The following WDFY4 variants were observed in gnomAD, a reference collection of about 807,000 sequenced individuals.
The protein encoded by WDFY4 is WDFY family member 4, also known as WD repeat- and FYVE domain-containing protein 4.
WDFY4 carries 169 observed loss-of-function variants against 351.9 expected under a neutral mutation model. That is an observed-to-expected ratio of 0.48 (90% confidence interval 0.42 to 0.55). The LOEUF is 0.55. WDFY4 is among the 20% of genes least tolerant of loss of function. The pLI, the probability that WDFY4 is intolerant of heterozygous loss-of-function variation, is 0.00. For synonymous variants in WDFY4, 1,622 were observed against 1,574.6 expected (o/e 1.03, Z -0.71); for missense variants, 3,803 against 3,935.6 (o/e 0.97, Z 0.90).
At chr10:48,694,594 G>T (rs758502342) in intron 1 of WDFY4, among the ~76,000 whole-genome samples, 2 of 152,084 alleles carry the variant, frequency 1.3e-5, no homozygotes, top group Admixed American at 6.5e-5. Flanking sequence ...TCTCTGCTGA[G>T]AGCCCCACAG....
In WDFY4 at chr10:48,912,684, C is replaced by T. The variant is rs76813367; in HGVS notation, c.7586+10821C>T. Among the ~76,000 whole-genome samples, 1,294 of 152,346 alleles carry T rather than the reference C, an allele frequency of 8.5e-3. 20 individuals are homozygous for T. Among genetic ancestry groups the T allele is most frequent in the African/African-American group, 0.029 (1,216 of 41,572 alleles). ...CAATCCATACTTGCCACCATTATTT[C>T]GTTTCTCCTATGAGGATCTGGAAAA... On this transcript the variant is annotated intron_variant, in intron 47 of 61. Coordinates refer to ENST00000325239, the MANE Select transcript of WDFY4 (RefSeq NM_001394531.1).
At chr10:48,761,733 T>C (rs2065512617) in intron 13 of WDFY4, among the ~76,000 whole-genome samples, 1 of 152,174 alleles carries the variant, frequency 6.6e-6, no homozygotes, top group Non-Finnish European at 1.5e-5. Context: ...AAGAAAGAGC[T>C]GGGCAGAGTT....
At chr10:48,950,663 A>G (rs1375711605) in intron 51 of WDFY4, among the ~76,000 whole-genome samples, 1 of 152,240 alleles carries the variant, frequency 6.6e-6, no homozygotes, top group Admixed American at 6.5e-5. Context: ...GGTGGGATCT[A>G]CAGAGGTTGT....
intron 13 of WDFY4, among the ~76,000 whole-genome samples, chr10:48,760,993 T>C (rs1053384744): frequency 3.9e-5 from 6 of 152,028 alleles, no homozygotes; most frequent in African/African-American, 1.5e-4. Context: ...ACGAGTGATA[T>C]TACAGGGAAA....
chr10:48,724,300 A>G (rs1275079658), intron 5 of WDFY4, among the ~76,000 whole-genome samples: 2 of 152,084 alleles, frequency 1.3e-5, no homozygotes, highest in African/African-American at 4.8e-5. Flanking sequence ...TGTTCAGTGA[A>G]TTCCCAAATG....
chr10:48,865,906 T>A (rs1470035963), intron 39 of WDFY4, among the ~76,000 whole-genome samples: 4 of 152,152 alleles, frequency 2.6e-5, no homozygotes, highest in African/African-American at 4.8e-5. Context: ...TTTGAAAAAA[T>A]TCAGTAAGGT....
intron 16 of WDFY4, 147 bp downstream of exon 16, chr10:48,777,131 C>G (rs1314910224): frequency 1.9e-6 from 2 of 1,056,046 alleles, no homozygotes; most frequent in Non-Finnish European, 1.4e-6. Context: ...CACCCGCCTA[C>G]TCAGCGGCCT....
In WDFY4 at chr10:48,760,430, A is replaced by G. The variant is rs1208319510; in HGVS notation, c.2543A>G (p.Asp848Gly). ...VRLLPRLYHE[D>G]HPQLSEEIQC... ...CTGCTGCCTCGGTTGTACCATGAAG[A>G]TCACCCACAGGTACCTGGTGTTGAA... The change falls in exon 13 of 62, where the codon GAT becomes GGT. Residue 848 changes from aspartate to glycine, a missense_variant. Asp to Gly is a moderately conservative substitution (Grantham distance 94). This residue lies in a region of WDFY4 where 3,054 missense variants were observed against 3,148.6 expected (regional missense o/e 0.97). Coordinates refer to ENST00000325239, the MANE Select transcript of WDFY4 (RefSeq NM_001394531.1). 1.3e-6 allele frequency: 2 copies of G among 1,551,494 alleles called. No individual in the cohort carries two copies. The highest frequency in any genetic ancestry group is 1.7e-6 in the Non-Finnish European group (2 of 1,146,958).
chr10:48,970,684 A>G (rs1842300059), intron 57 of WDFY4, among the ~76,000 whole-genome samples: 1 of 152,250 alleles, frequency 6.6e-6, no homozygotes, highest in Non-Finnish European at 1.5e-5. Flanking sequence ...CTTTATGCCA[A>G]GGATTTTTAC....
chr10:48,864,374 A>G (rs1489524471), intron 39 of WDFY4, among the ~76,000 whole-genome samples: 1 of 152,170 alleles, frequency 6.6e-6, no homozygotes, highest in East Asian at 1.9e-4. Flanking sequence ...CACCTTTGTA[A>G]AGAATTAATT....
intron 47 of WDFY4, chr10:48,913,242 G>T (rs771854184): frequency 4.1e-6 from 3 of 739,782 alleles, no homozygotes; most frequent in Non-Finnish European, 6.8e-6. Context: ...ACAATCACAC[G>T]CCGAGAAAGT....
chr10:48,716,309 C>G (rs1164238782), intron 2 of WDFY4, among the ~76,000 whole-genome samples: 2 of 152,192 alleles, frequency 1.3e-5, no homozygotes, highest in African/African-American at 4.8e-5. Context: ...CCTCTCATCT[C>G]CCCTAGAGCT....
intron 20 of WDFY4, 115 bp downstream of exon 20, chr10:48,786,985 GA>G: frequency 1.2e-6 from 1 of 808,740 alleles, no homozygotes; most frequent in South Asian, 1.8e-5. Context: ...AGTCATTAGG[GA>G]AGACCTCTGT....
intron 31 of WDFY4, among the ~76,000 whole-genome samples, chr10:48,814,483 G>A (rs912279293): frequency 2.1e-4 from 32 of 152,206 alleles, no homozygotes; most frequent in Non-Finnish European, 4.6e-4. Flanking sequence ...TACAGGCAGG[G>A]CATGGAGTCT....
intron 46 of WDFY4, among the ~76,000 whole-genome samples, chr10:48,900,997 A>G (rs1837323392): frequency 6.6e-6 from 1 of 152,052 alleles, no homozygotes; most frequent in Non-Finnish European, 1.5e-5. Context: ...ATGGGCTGGA[A>G]GTTCTGAGGT....
chr10:48,698,501 C>A (rs1163022921), intron 1 of WDFY4, among the ~76,000 whole-genome samples: 1 of 152,142 alleles, frequency 6.6e-6, no homozygotes, highest in African/African-American at 2.4e-5. Flanking sequence ...GGGCAAGAGG[C>A]CTTCACCCCA....
rs374289050 is a variant in WDFY4 at position 48,923,496 on chromosome 10, G to GTATATATATA, written c.7587-18302_7587-18293dup. Among the ~76,000 whole-genome samples, 160 of 63,176 alleles carry GTATATATATA rather than the reference G, an allele frequency of 2.5e-3. 15 individuals are homozygous for GTATATATATA. Among genetic ancestry groups the GTATATATATA allele is most frequent in the African/African-American group, 5.0e-3 (144 of 28,864 alleles). The allele number at this position is 63,176 out of a possible 152,430, so 41.4% of individuals were successfully genotyped here. On this transcript the variant is annotated intron_variant, in intron 47 of 61. Transcript: ENST00000325239. ...TCAGGTAAACAACAAATAGTTTTTA[G>GTATATATATA]TATATATATATATATATGTCCCAAA...
chr10:48,844,923 G>C (rs562791396), intron 39 of WDFY4, among the ~76,000 whole-genome samples: 2 of 152,170 alleles, frequency 1.3e-5, no homozygotes, highest in Non-Finnish European at 2.9e-5. Context: ...TAGATGATGC[G>C]CCAGAGACTT....
chr10:48,696,687 G>A (rs2063340593), intron 1 of WDFY4, among the ~76,000 whole-genome samples: 1 of 152,238 alleles, frequency 6.6e-6, no homozygotes, highest in Non-Finnish European at 1.5e-5. Context: ...AAGATGGATG[G>A]AGGCCCCAGA....
Sources: gnomAD v4.1 joint callset for allele counts (sites outside exome capture counted in the v4.1 genomes callset) on GRCh38, gnomAD v4.1.1 for gene constraint, gnomAD v4.1.1 regional missense constraint, MANE v1.5 for transcripts, NCBI Gene and HGNC (gene_info 2026-07-23, HGNC 2026-07-21) for gene names.